Variants in IZUMO4 observed in about 807,000 individuals in gnomAD.
IZUMO4 encodes izumo sperm-egg fusion protein 4.
IZUMO4 carries 51 observed loss-of-function variants against 37.1 expected under a neutral mutation model. That is an observed-to-expected ratio of 1.38 (90% CI 1.10 to 1.74). IZUMO4 has a LOEUF of 1.74. IZUMO4 is among the 40% of genes most tolerant of loss of function. The pLI is 0.00. For synonymous variants in IZUMO4, 162 were observed against 121.4 expected (o/e 1.33, Z -2.20); for missense variants, 364 against 299.6 (o/e 1.21, Z -1.59).
Position 2,099,376 on chromosome 19 carries a change from G to C in IZUMO4, c.*31G>C. On this transcript the variant is annotated 3_prime_UTR_variant, in exon 10 of 10. Coordinates refer to ENST00000395301, the MANE Select transcript of IZUMO4 (RefSeq NM_001039846.2). ...GCTGGGCCTGCCCCAGGGCAACGTG[G>C]GGGCGGAGACTCAGCTGGACAGCCC... The C allele has an allele frequency of 6.6e-7, 1 of 1,508,858 alleles. No homozygotes were observed. Among genetic ancestry groups the C allele is most frequent in the Non-Finnish European group, 9.1e-7 (1 of 1,098,974 alleles). 93.5% of individuals were successfully genotyped at this position (1,508,858 alleles called of 1,614,324 possible). A position where few individuals can be genotyped will look rare whatever the true frequency, so the allele number is the denominator to read the frequency against.
chr19:2,099,391 C>A lies in IZUMO4; in HGVS notation c.*46C>A. 7.4e-7 allele frequency: 1 copy of A among 1,348,618 alleles called. No homozygotes were observed. Among genetic ancestry groups the A allele is most frequent in the Non-Finnish European group, 1.0e-6 (1 of 961,160 alleles). 83.5% of individuals were successfully genotyped at this position (1,348,618 alleles called of 1,614,324 possible). A position where few individuals can be genotyped will look rare whatever the true frequency, so the allele number is the denominator to read the frequency against. Reference sequence around the variant, plus strand: ...GGGCAACGTGGGGGCGGAGACTCAGCTGGACAGCCCCTGCCTGTCACTCTG... The same window carrying A: ...GGGCAACGTGGGGGCGGAGACTCAGATGGACAGCCCCTGCCTGTCACTCTG... On this transcript the variant is annotated 3_prime_UTR_variant, in exon 10 of 10. Coordinates refer to ENST00000395301, the MANE Select transcript of IZUMO4 (RefSeq NM_001039846.2).
chr19:2,098,207 C>T (rs1307664703), intron 5 of IZUMO4, 80 bp downstream of exon 5: 2 of 1,611,484 alleles, frequency 1.2e-6, no homozygotes, highest in Admixed American at 3.3e-5. Context: ...AGGGGGCTCC[C>T]CGCCTTCCAC....
chr19:2,099,351 G>T lies in IZUMO4; in HGVS notation c.*6G>T. On this transcript the variant is annotated 3_prime_UTR_variant, in exon 10 of 10. Transcript: ENST00000395301. ...AGTGTCTCAAGCAGCACTGACAGCA[G>T]CTGGGCCTGCCCCAGGGCAACGTGG... 6.2e-7 allele frequency: 1 copy of T among 1,607,964 alleles called. No homozygotes were observed. Among genetic ancestry groups the T allele is most frequent in the Non-Finnish European group, 8.5e-7 (1 of 1,176,726 alleles).
chr19:2,097,888 G>A (rs746971374), intron 3 of IZUMO4, 41 bp from the exon 4 acceptor site: 1 of 1,611,932 alleles, frequency 6.2e-7, no homozygotes, highest in South Asian at 1.1e-5. Flanking sequence ...CTGGGGACAA[G>A]GCTGGGCCTG....
intron 9 of IZUMO4, 79 bp downstream of exon 9, chr19:2,099,108 C>A: frequency 1.4e-6 from 2 of 1,440,592 alleles, no homozygotes; most frequent in Non-Finnish European, 2.0e-6. Flanking sequence ...CCTGCACACC[C>A]TGCTGACATC....
At position 2,098,101 on chromosome 19, in the gene IZUMO4, C is replaced by A; in HGVS notation, c.447C>A (p.His149Gln). The A allele has an allele frequency of 6.2e-7, 1 of 1,613,568 alleles. No homozygotes were observed. Among genetic ancestry groups the A allele is most frequent in the Non-Finnish European group, 8.5e-7 (1 of 1,180,018 alleles). The change falls in exon 5 of 10, where the codon CAC becomes CAA. Residue 149 changes from histidine (H) to glutamine (Q), a missense_variant. By Grantham distance (24) the His-to-Gln change is conservative (BLOSUM62 0). Transcript: ENST00000395301. ...TISCNNCTDSHVACFGYNCES... is the reference protein window; with the variant it reads ...TISCNNCTDSQVACFGYNCES... ...CCTGCAACAACTGCACAGACTCGCACGTCGCCTGCTTTGGCTATAACTGCG... is the reference window on the plus strand; with the variant it reads ...CCTGCAACAACTGCACAGACTCGCAAGTCGCCTGCTTTGGCTATAACTGCG...
Position 2,097,936 on chromosome 19 carries a change from C to A in IZUMO4, c.378C>A (p.Ile126=), listed in dbSNP as rs200313927. The change falls in exon 4 of 10, where the codon ATC becomes ATA. Residue 126 remains isoleucine, a synonymous_variant. Coordinates refer to ENST00000395301, the MANE Select transcript of IZUMO4 (RefSeq NM_001039846.2). The part of the protein sequence containing the change: ...LIQNAIIESR[I]DCQHRCGIFQ... ...TGTCCTGCCCTCCCACAGGCCGCAT[C>A]GACTGTCAGCACCGCTGTGGTAAGC... 6.2e-7 allele frequency: 1 copy of A among 1,613,118 alleles called. No homozygotes were observed. Among genetic ancestry groups the A allele is most frequent in the Non-Finnish European group, 8.5e-7 (1 of 1,179,986 alleles).
rs926484355 is a variant in IZUMO4, at chr19:2,096,962, G to C, written c.17G>C (p.Cys6Ser). 6.2e-7 allele frequency: 1 copy of C among 1,606,838 alleles called. No individual in the cohort carries two copies. Residue 6 changes from cysteine to serine, a missense_variant, in exon 1 of 10, where the codon TGC becomes TCC. Coordinates refer to ENST00000395301, the MANE Select transcript of IZUMO4 (RefSeq NM_001039846.2). The stretch of plus-strand genomic sequence containing the variant: ...GGGACGGGCATGGCCCTGCTGCTGT[G>C]CCTGGTGTGCCTGACGGCGGCGCTG... MALLL[C>S]LVCLTAALAH...
rs1384835109 is a variant in IZUMO4, at chr19:2,096,952, C to T, written c.7C>T (p.Leu3=). ...GCGGCGGGCCGGGACGGGCATGGCCCTGCTGCTGTGCCTGGTGTGCCTGAC... is the reference window on the plus strand; with the variant it reads ...GCGGCGGGCCGGGACGGGCATGGCCTTGCTGCTGTGCCTGGTGTGCCTGAC... MA[L]LLCLVCLTAA... The change falls in exon 1 of 10, where the codon CTG becomes TTG. Residue 3 remains leucine, a synonymous_variant. Transcript: ENST00000395301. The T allele has an allele frequency of 1.2e-6, 2 of 1,605,336 alleles. No individual in the cohort carries two copies. The highest frequency in any genetic ancestry group is 2.2e-5 in the East Asian group (1 of 44,856).
intron 9 of IZUMO4, 68 bp from the exon 10 acceptor site, chr19:2,099,187 G>A (rs888360640): frequency 1.4e-6 from 2 of 1,478,540 alleles, no homozygotes. Context: ...GGAGAGGCCT[G>A]GGGCCCCCAG....
intron 3 of IZUMO4, 134 bp downstream of exon 3, chr19:2,097,629 G>A: frequency 1.2e-6 from 1 of 854,354 alleles, no homozygotes; most frequent in Non-Finnish European, 2.0e-6. Flanking sequence ...GCTCTCCAGG[G>A]AGGGACCCAG....
intron 3 of IZUMO4, 23 bp downstream of exon 3, chr19:2,097,518 G>C (rs1187142503): frequency 3.1e-6 from 5 of 1,603,924 alleles, no homozygotes; most frequent in Non-Finnish European, 4.3e-6. Flanking sequence ...GGCTTCAGAG[G>C]AGGGAGGTGT....
In IZUMO4 at chr19:2,098,193, T is replaced by A. The variant is rs2017772666; in HGVS notation, c.473+66T>A. 3.5e-5 allele frequency: 56 copies of A among 1,611,218 alleles called. 1 individual carries two copies. In the South Asian group the frequency reaches 5.9e-4, roughly 17 times the overall value. ...CTGTCCCTGGGGTCCCAGGCTCTCC[T>A]TGGAGGGGGCTCCCCGCCTTCCACC... On this transcript the variant is annotated intron_variant, in intron 5 of 9. Coordinates refer to ENST00000395301, the MANE Select transcript of IZUMO4 (RefSeq NM_001039846.2).
At position 2,099,468 on chromosome 19, in the gene IZUMO4, G is replaced by C. The variant is rs539641861; in HGVS notation, c.*123G>C. 3.2e-5 allele frequency: 18 copies of C among 560,688 alleles called. No homozygotes were observed. The highest frequency in any genetic ancestry group is 4.9e-4 in the Middle Eastern group (1 of 2,030). The allele number at this position is 560,688 out of a possible 1,614,324, so 34.7% of individuals were successfully genotyped here. On this transcript the variant is annotated 3_prime_UTR_variant, in exon 10 of 10. Coordinates refer to ENST00000395301, the MANE Select transcript of IZUMO4 (RefSeq NM_001039846.2). ...CCCCTCTCCGACCCCGGACAGAGCTGAGCTGGCCAGGGCCAGGAGGGCGGG... is the reference window on the plus strand; with the variant it reads ...CCCCTCTCCGACCCCGGACAGAGCTCAGCTGGCCAGGGCCAGGAGGGCGGG...
rs112530329 is a variant in IZUMO4 at position 2,099,377 on chromosome 19, G to T, written c.*32G>T. 8.7e-6 allele frequency: 13 copies of T among 1,492,952 alleles called. No individual in the cohort carries two copies. The highest frequency in any genetic ancestry group is 1.0e-5 in the Non-Finnish European group (11 of 1,085,080). 92.5% of individuals were successfully genotyped at this position (1,492,952 alleles called of 1,614,324 possible). A position where few individuals can be genotyped will look rare whatever the true frequency, so the allele number is the denominator to read the frequency against. Reference sequence around the variant, plus strand: ...CTGGGCCTGCCCCAGGGCAACGTGGGGGCGGAGACTCAGCTGGACAGCCCC... The same window carrying T: ...CTGGGCCTGCCCCAGGGCAACGTGGTGGCGGAGACTCAGCTGGACAGCCCC... On this transcript the variant is annotated 3_prime_UTR_variant, in exon 10 of 10. Transcript: ENST00000395301.
rs1021901788 is a variant in IZUMO4 at position 2,099,488 on chromosome 19, G to A, written c.*143G>A. On this transcript the variant is annotated 3_prime_UTR_variant, in exon 10 of 10. Coordinates refer to ENST00000395301, the MANE Select transcript of IZUMO4 (RefSeq NM_001039846.2). ...GAGCTGAGCTGGCCAGGGCCAGGAG[G>A]GCGGGAGGGAGGGAATGGGGGTGGG... 5.0e-6 allele frequency: 3 copies of A among 597,286 alleles called. No homozygotes were observed. Among genetic ancestry groups the A allele is most frequent in the Non-Finnish European group, 9.1e-6 (3 of 327,966 alleles). The allele number at this position is 597,286 out of a possible 1,614,324, so 37.0% of individuals were successfully genotyped here. A position where few individuals can be genotyped will look rare whatever the true frequency, so the allele number is the denominator to read the frequency against.
intron 5 of IZUMO4, 50 bp downstream of exon 5, chr19:2,098,177 G>A (rs768226460): frequency 5.6e-6 from 9 of 1,611,294 alleles, no homozygotes; most frequent in South Asian, 2.2e-5. Context: ...ACTGTCCCTG[G>A]GGTCCCAGGC....
chr19:2,097,572 G>A, intron 3 of IZUMO4, 77 bp downstream of exon 3: 9 of 1,313,690 alleles, frequency 6.9e-6, no homozygotes, highest in Non-Finnish European at 9.9e-6. Context: ...TGAGGCTGGA[G>A]TGATGTGAAC....
At chr19:2,097,552 G>C (rs754130728) in intron 3 of IZUMO4, 57 bp downstream of exon 3, 2 of 1,471,826 alleles carry the variant, frequency 1.4e-6, no homozygotes, top group Admixed American at 1.7e-5. Flanking sequence ...GGAGACCCAC[G>C]GGGCTTGGCT....
Sources: allele counts gnomAD v4.1 joint callset, GRCh38; gene constraint gnomAD v4.1.1; transcripts MANE v1.5; gene names NCBI Gene and HGNC (gene_info 2026-07-23, HGNC 2026-07-21).